The following RASGRF2 variants were observed in gnomAD, a reference collection of about 807,000 sequenced individuals.
RASGRF2 encodes the protein Ras protein specific guanine nucleotide releasing factor 2.
RASGRF2 carries 76 observed loss-of-function variants against 151.0 expected under a neutral mutation model. The ratio of observed to expected loss-of-function variants is 0.50; its 90% CI spans 0.42 to 0.61. The LOEUF is 0.61. RASGRF2 is among the 20% of genes least tolerant of loss of function. The pLI is 0.00. For synonymous variants in RASGRF2, 504 were observed against 566.5 expected (o/e 0.89, Z 1.57); for missense variants, 1,148 against 1,564.6 (o/e 0.73, Z 4.49).
chr5:81,072,885 C>T (rs1186166614), intron 4 of RASGRF2, among the ~76,000 whole-genome samples: 1 of 152,142 alleles, frequency 6.6e-6, no homozygotes, highest in African/African-American at 2.4e-5. Context: ...AATCAGAGGT[C>T]AAGGTGGTTG....
chr5:81,110,431 TTAAAA>T (rs1406128044), intron 13 of RASGRF2, among the ~76,000 whole-genome samples: 2 of 152,232 alleles, frequency 1.3e-5, no homozygotes, highest in Non-Finnish European at 2.9e-5. Context: ...ATTTCTTTAC[TTAAAA>T]TGAAAATGTA....
At chr5:81,099,394 A>T (rs916496550) in intron 12 of RASGRF2, among the ~76,000 whole-genome samples, 2 of 152,064 alleles carry the variant, frequency 1.3e-5, no homozygotes, top group Non-Finnish European at 2.9e-5. Flanking sequence ...TGAGTGTATG[A>T]GCTGTTTCCA....
At chr5:81,034,492 A>G (rs1750393655) in intron 1 of RASGRF2, among the ~76,000 whole-genome samples, 1 of 152,188 alleles carries the variant, frequency 6.6e-6, no homozygotes, top group East Asian at 1.9e-4. Context: ...ATAAAGACAC[A>G]TGCACACGTA....
At chr5:80,966,083 TTG>T (rs70994407) in intron 1 of RASGRF2, among the ~76,000 whole-genome samples, 15,192 of 149,536 alleles carry the variant, frequency 0.1, 891 homozygotes, top group African/African-American at 0.16. Flanking sequence ...GGATATATGT[TTG>T]TGTGTGTGTG....
intron 1 of RASGRF2, among the ~76,000 whole-genome samples, chr5:80,982,866 C>T (rs192794006): frequency 1.4e-3 from 216 of 152,160 alleles, no homozygotes; most frequent in Admixed American, 3.7e-3. Context: ...TCCCAAAGTG[C>T]TGGGATTACA....
rs549287842 is a variant in RASGRF2, at chr5:81,109,295, G to A, written c.1838+217G>A. Among the ~76,000 whole-genome samples the A allele has an allele frequency of 5.3e-5, 8 of 152,266 alleles. No homozygotes were observed. In the South Asian group the frequency reaches 6.2e-4, roughly 12 times the overall value. On this transcript the variant is annotated intron_variant, in intron 13 of 26. Transcript: ENST00000265080. The stretch of plus-strand genomic sequence containing the variant: ...TATTAACTCATAGCATAGAAAAATT[G>A]TTTTTTATACTGTTACATATGTCTT...
rs1756056967 is a variant in RASGRF2, at chr5:81,229,040, T to C, written c.*3270T>C. 6.6e-6 allele frequency: 1 copy of C among 152,178 alleles called. No homozygotes were observed. The highest frequency in any genetic ancestry group is 2.1e-4 in the South Asian group (1 of 4,826). 9.4% of individuals were successfully genotyped at this position (152,178 alleles called of 1,614,324 possible). On this transcript the variant is annotated 3_prime_UTR_variant, in exon 27 of 27. Transcript: ENST00000265080. ...CATGTTATTGTATAAGACGAGACTT[T>C]TGGGCCAGCAGCGATTGGGCAGCTT...
At chr5:81,030,561 C>T (rs752325156) in intron 1 of RASGRF2, among the ~76,000 whole-genome samples, 3 of 152,134 alleles carry the variant, frequency 2.0e-5, no homozygotes, top group Non-Finnish European at 1.5e-5. Context: ...AGCTTCATAA[C>T]TGAAGGAGAA....
intron 17 of RASGRF2, among the ~76,000 whole-genome samples, chr5:81,169,304 A>C (rs559851287): frequency 6.6e-6 from 1 of 152,220 alleles, no homozygotes; most frequent in South Asian, 2.1e-4. Context: ...CTTCCATAAC[A>C]AAGTACCTCA....
chr5:80,972,309 T>A (rs1747963835), intron 1 of RASGRF2, among the ~76,000 whole-genome samples: 1 of 152,214 alleles, frequency 6.6e-6, no homozygotes, highest in Admixed American at 6.5e-5. Context: ...ACCAGCAATG[T>A]TTAAGAATTC....
At chr5:81,032,546 C>G (rs1442913447) in intron 1 of RASGRF2, among the ~76,000 whole-genome samples, 3 of 152,062 alleles carry the variant, frequency 2.0e-5, no homozygotes, top group Admixed American at 6.6e-5. Flanking sequence ...AGACAAAAAC[C>G]ACATGATTAT....
chr5:81,134,107 TGTGA>T lies in RASGRF2; in HGVS notation c.2686+6949_2686+6952del, dbSNP rs1017890777. On this transcript the variant is annotated intron_variant, in intron 17 of 26. Coordinates refer to ENST00000265080, the MANE Select transcript of RASGRF2 (RefSeq NM_006909.3). ...GTGTGTGTGTGTGTGTGTGTGTGTGTGTGAGTGAATATTTTACTGAGGTAATGTC... is the reference window on the plus strand; with the variant it reads ...GTGTGTGTGTGTGTGTGTGTGTGTGTGTGAATATTTTACTGAGGTAATGTC... Among the ~76,000 whole-genome samples, 86 of 151,330 alleles carry T rather than the reference TGTGA, an allele frequency of 5.7e-4. No individual in the cohort carries two copies. In the Middle Eastern group the frequency reaches 0.01, roughly 18 times the overall value.
chr5:81,141,538 G>T (rs1056230381), intron 17 of RASGRF2, among the ~76,000 whole-genome samples: 2 of 152,194 alleles, frequency 1.3e-5, no homozygotes, highest in Non-Finnish European at 2.9e-5. Flanking sequence ...CTGCTAAACT[G>T]CTGCTTTCTT....
chr5:81,026,034 C>G, intron 1 of RASGRF2, among the ~76,000 whole-genome samples: 1 of 74,572 alleles, frequency 1.3e-5, no homozygotes, highest in East Asian at 3.4e-4. Context: ...TTCCATCCTT[C>G]CCTCCTTCCT....
chr5:81,115,358 T>C (rs1753121842), intron 15 of RASGRF2, among the ~76,000 whole-genome samples: 2 of 152,138 alleles, frequency 1.3e-5, no homozygotes, highest in Admixed American at 6.6e-5. Flanking sequence ...ACAACAAGCT[T>C]AAGCAAAATC....
intron 4 of RASGRF2, among the ~76,000 whole-genome samples, chr5:81,072,936 T>C (rs1228843291): frequency 6.6e-6 from 1 of 152,228 alleles, no homozygotes; most frequent in Non-Finnish European, 1.5e-5. Context: ...TTTTAATATA[T>C]ACTTGACTGC....
At chr5:81,168,422 T>G (rs2112653511) in intron 17 of RASGRF2, among the ~76,000 whole-genome samples, 1 of 151,830 alleles carries the variant, frequency 6.6e-6, no homozygotes, top group Non-Finnish European at 1.5e-5. Flanking sequence ...GCAATTCTTC[T>G]GTCTCAACCT....
intron 1 of RASGRF2, among the ~76,000 whole-genome samples, chr5:80,992,183 T>TACACACACACACACATACACACACACAC (rs70994409): frequency 7.1e-6 from 1 of 140,346 alleles, no homozygotes; most frequent in Non-Finnish European, 1.6e-5. Flanking sequence ...CACACACAGA[T>TACACACACACACACATACACACACACAC]ACACACACAC....
intron 7 of RASGRF2, 77 bp downstream of exon 7, chr5:81,080,866 G>A (rs1752067466): frequency 2.2e-6 from 3 of 1,357,080 alleles, no homozygotes; most frequent in Non-Finnish European, 3.1e-6. Context: ...ACCAGCGTGA[G>A]ATGCTTAAGT....
Sources: allele counts gnomAD v4.1 joint callset (sites outside exome capture counted in the v4.1 genomes callset), GRCh38; gene constraint gnomAD v4.1.1; transcripts MANE v1.5; gene names NCBI Gene and HGNC (gene_info 2026-07-23, HGNC 2026-07-21).